The following UAP1 variants were observed in gnomAD, a reference collection of about 807,000 sequenced individuals.
UAP1 encodes the protein UDP-N-acetylhexosamine pyrophosphorylase.
A neutral mutation model predicts 58.5 loss-of-function variants in UAP1; 25 were observed. That is an observed-to-expected ratio of 0.43 (90% CI 0.31 to 0.60). UAP1 has a LOEUF of 0.60. UAP1 is among the 20% of genes least tolerant of loss of function. The pLI is 0.11. For missense variants in UAP1, 575 were observed against 630.0 expected (o/e 0.91, Z 0.93); for synonymous variants, 208 against 213.0 (o/e 0.98, Z 0.21).
At chr1:162,577,661 G>A (rs1557970486) in intron 3 of UAP1, among the ~76,000 whole-genome samples, 1 of 151,318 alleles carries the variant, frequency 6.6e-6, no homozygotes, top group East Asian at 1.9e-4. Flanking sequence ...CCCCAGGCTG[G>A]AGTGCAGTGG....
At chr1:162,570,324 C>T (rs1387059773) in intron 2 of UAP1, among the ~76,000 whole-genome samples, 1 of 151,996 alleles carries the variant, frequency 6.6e-6, no homozygotes, top group African/African-American at 2.4e-5. Context: ...AGTTTTGTAG[C>T]CTGCACAAGA....
At chr1:162,585,771 A>T (rs1425017447) in intron 5 of UAP1, among the ~76,000 whole-genome samples, 1 of 85,320 alleles carries the variant, frequency 1.2e-5, no homozygotes, top group East Asian at 3.1e-4. Flanking sequence ...CTGGAAAATA[A>T]ACCTGTGTGC....
intron 3 of UAP1, among the ~76,000 whole-genome samples, chr1:162,579,049 A>G (rs1449700865): frequency 6.6e-6 from 1 of 152,206 alleles, no homozygotes; most frequent in Non-Finnish European, 1.5e-5. Flanking sequence ...AAGAACCCCA[A>G]GAGATCATTA....
chr1:162,593,228 C>T (rs536891422), intron 9 of UAP1: 16 of 159,648 alleles, frequency 1.0e-4, no homozygotes, highest in African/African-American at 3.3e-4. Flanking sequence ...ATGGAGAAAA[C>T]TGTTCTGTTG....
intron 8 of UAP1, 98 bp from the exon 9 acceptor site, chr1:162,592,630 CATAA>C (rs1655383480): frequency 1.1e-6 from 1 of 886,070 alleles, no homozygotes; most frequent in African/African-American, 1.7e-5. Flanking sequence ...TATGATTTAC[CATAA>C]ATACATACCA....
At position 162,592,730 on chromosome 1, in the gene UAP1, A is replaced by C. The variant is rs553329207; in HGVS notation, c.1359-2A>C. The C allele has an allele frequency of 6.5e-7, 1 of 1,546,964 alleles. No homozygotes were observed. The highest frequency in any genetic ancestry group is 1.4e-5 in the African/African-American group (1 of 73,088). ...CATTAATCCTTATTTATTCCCACAT[A>C]GCAGTGCTACAAATGGGAAGTCAGA... On this transcript the variant is annotated splice_acceptor_variant, in intron 8 of 10. Coordinates refer to ENST00000271469, the Ensembl canonical transcript of UAP1. LOFTEE classifies it high-confidence loss of function.
intron 9 of UAP1, 39 bp downstream of exon 9, chr1:162,592,821 G>T (rs1255122464): frequency 6.0e-6 from 9 of 1,510,286 alleles, no homozygotes; most frequent in Non-Finnish European, 8.1e-6. Flanking sequence ...TGGTGATGGG[G>T]CTGTGCTTCC....
At chr1:162,576,647 A>G (rs2101767780) in intron 2 of UAP1, 130 bp from the exon 3 acceptor site, 2 of 829,300 alleles carry the variant, frequency 2.4e-6, no homozygotes, top group Admixed American at 5.7e-5. Flanking sequence ...AAAATCAGCA[A>G]ATGGCCTCAG....
Position 162,576,204 on chromosome 1 carries a change from A to G in UAP1, c.281-573A>G, listed in dbSNP as rs531394820. ...ATTTTCTTTATGTAGCTTACCTGCT[A>G]TATTTGCATGCTCATTGATTATTTA... On this transcript the variant is annotated intron_variant, in intron 2 of 10. Coordinates refer to ENST00000271469, the Ensembl canonical transcript of UAP1. Among the ~76,000 whole-genome samples, 8 of 152,310 alleles carry G rather than the reference A, an allele frequency of 5.3e-5. No individual in the cohort carries two copies. In the East Asian group the frequency reaches 1.2e-3, roughly 22 times the overall value.
chr1:162,591,067 C>G (rs1655279921), intron 8 of UAP1, among the ~76,000 whole-genome samples: 1 of 151,978 alleles, frequency 6.6e-6, no homozygotes, highest in Non-Finnish European at 1.5e-5. Context: ...AGGGACTATA[C>G]AGGCACATGC....
chr1:162,585,823 A>G (rs1167866331), intron 5 of UAP1, among the ~76,000 whole-genome samples: 1 of 152,116 alleles, frequency 6.6e-6, no homozygotes, highest in Non-Finnish European at 1.5e-5. Flanking sequence ...AATCTATCCC[A>G]AATTCCCTGC....
intron 10 of UAP1, among the ~76,000 whole-genome samples, chr1:162,598,736 G>T (rs1271945795): frequency 6.6e-6 from 1 of 152,138 alleles, no homozygotes; most frequent in East Asian, 1.9e-4. Flanking sequence ...TCTACTGGCC[G>T]CTTGCAGTGG....
exon 4 of UAP1, chr1:162,579,550 G>A: frequency 6.2e-7 from 1 of 1,606,844 alleles, no homozygotes; most frequent in Non-Finnish European, 8.5e-7. Context: ...CCCGCCATGA[G>A]TTTTGATGGG....
intron 2 of UAP1, among the ~76,000 whole-genome samples, chr1:162,568,828 A>G (rs1202829745): frequency 6.6e-6 from 1 of 152,214 alleles, no homozygotes; most frequent in Non-Finnish European, 1.5e-5. Flanking sequence ...ACTCTTATGG[A>G]AAGTCAACAC....
At chr1:162,585,508 C>CA (rs1473235929) in intron 5 of UAP1, among the ~76,000 whole-genome samples, 1 of 152,034 alleles carries the variant, frequency 6.6e-6, no homozygotes, top group Non-Finnish European at 1.5e-5. Flanking sequence ...ATGATACACC[C>CA]ACCTCAGCCT....
At chr1:162,588,810 C>T in exon 7 of UAP1, 3 of 1,611,688 alleles carry the variant, frequency 1.9e-6, no homozygotes, top group Non-Finnish European at 2.5e-6. Context: ...AAAAATTTGT[C>T]TTTGACATCT....
chr1:162,577,098 G>A (rs1654235819), intron 3 of UAP1, 117 bp downstream of exon 3: 1 of 1,026,808 alleles, frequency 9.7e-7, no homozygotes. Context: ...GATTTTCTTG[G>A]GAGGTATAAT....
chr1:162,567,335 C>T (rs575006139), intron 2 of UAP1, among the ~76,000 whole-genome samples: 1 of 152,306 alleles, frequency 6.6e-6, no homozygotes, highest in African/African-American at 2.4e-5. Context: ...CTAGTTGTCT[C>T]TGCATGTTAC....
At chr1:162,566,807 A>T (rs922718502) in intron 2 of UAP1, among the ~76,000 whole-genome samples, 1 of 152,016 alleles carries the variant, frequency 6.6e-6, no homozygotes, top group Non-Finnish European at 1.5e-5. Context: ...TTGTATTTTT[A>T]GTATAGATAG....
Sources: gnomAD v4.1 joint callset for allele counts (sites outside exome capture counted in the v4.1 genomes callset) on GRCh38, gnomAD v4.1.1 for gene constraint, MANE v1.5 for transcripts, NCBI Gene and HGNC (gene_info 2026-07-23, HGNC 2026-07-21) for gene names.